LRP1B: variants seen among roughly 807,000 people sequenced by gnomAD.
The protein encoded by LRP1B is low-density lipoprotein receptor-related protein 1B.
LRP1B carries 217 observed loss-of-function variants against 556.6 expected under a neutral mutation model. That is an observed-to-expected ratio of 0.39 (90% confidence interval 0.35 to 0.44). The LOEUF is 0.44. Among genes scored for constraint, LRP1B ranks in the 20% least tolerant of loss-of-function variants. LRP1B has a pLI of 1.00. For missense variants in LRP1B, 5,053 were observed against 5,620.8 expected, an observed-to-expected ratio of 0.90 and a Z score of 3.23; for synonymous variants, 2,047 against 1,865.8, an observed-to-expected ratio of 1.10 and a Z score of -2.50.
At chr2:140,587,086 C>G (rs970584230) in intron 43 of LRP1B, among the ~76,000 whole-genome samples, 2 of 151,884 alleles carry the variant, frequency 1.3e-5, no homozygotes, top group African/African-American at 4.8e-5. Context: ...AGTGAATAAA[C>G]TCAACAGCAG....
chr2:141,018,225 GAATGT>G (rs1697963770), intron 12 of LRP1B, among the ~76,000 whole-genome samples: 1 of 152,144 alleles, frequency 6.6e-6, no homozygotes, highest in East Asian at 1.9e-4. Flanking sequence ...AGGCCTGTTT[GAATGT>G]AATTATCTGA....
intron 7 of LRP1B, among the ~76,000 whole-genome samples, chr2:141,074,672 G>T (rs1172184524): frequency 1.4e-5 from 2 of 146,696 alleles, no homozygotes; most frequent in African/African-American, 5.0e-5. Context: ...CCTTTGACAG[G>T]CTCTTTATAA....
At chr2:141,990,095 G>A (rs1233322020) in intron 1 of LRP1B, among the ~76,000 whole-genome samples, 1 of 152,012 alleles carries the variant, frequency 6.6e-6, no homozygotes, top group Non-Finnish European at 1.5e-5. Context: ...GTTTCTCAAA[G>A]CACTAAAGAT....
intron 87 of LRP1B, among the ~76,000 whole-genome samples, chr2:140,243,374 A>G (rs1488442217): frequency 2.0e-5 from 3 of 151,070 alleles, no homozygotes; most frequent in Non-Finnish European, 4.4e-5. Context: ...GCTTCAAAAG[A>G]GGTAGAAGAG....
intron 83 of LRP1B, among the ~76,000 whole-genome samples, chr2:140,305,910 C>T (rs376786618): frequency 2.6e-5 from 4 of 151,536 alleles, no homozygotes; most frequent in African/African-American, 4.8e-5. Context: ...ATTGAGATAA[C>T]CATGTGGTTT....
At chr2:141,405,534 T>G (rs1227618808) in intron 3 of LRP1B, among the ~76,000 whole-genome samples, 1 of 152,274 alleles carries the variant, frequency 6.6e-6, no homozygotes, top group Non-Finnish European at 1.5e-5. Flanking sequence ...CTATGCTTTT[T>G]GTAGTCTGGG....
chr2:140,724,130 C>T (rs146302752), intron 35 of LRP1B, among the ~76,000 whole-genome samples: 6 of 152,088 alleles, frequency 3.9e-5, no homozygotes, highest in Non-Finnish European at 8.8e-5. Flanking sequence ...TGTAGATAAA[C>T]GGATTCTTTC....
chr2:140,347,505 T>A (rs1203284803), intron 77 of LRP1B, among the ~76,000 whole-genome samples: 1 of 151,868 alleles, frequency 6.6e-6, no homozygotes, highest in Non-Finnish European at 1.5e-5. Flanking sequence ...AATAACCATT[T>A]TTTTAGAATG....
chr2:140,607,752 TTTAA>T (rs1433405438), intron 41 of LRP1B, among the ~76,000 whole-genome samples: 7 of 152,142 alleles, frequency 4.6e-5, no homozygotes, highest in South Asian at 4.1e-4. Context: ...GTAGATATGG[TTTAA>T]TTGTTATCCA....
chr2:141,247,426 A>C lies in LRP1B; in HGVS notation c.464-72T>G, dbSNP rs559585894. 800 of 1,560,598 alleles carry C rather than the reference A, an allele frequency of 5.1e-4. 1 individual carries two copies. Among genetic ancestry groups the C allele is most frequent in the Non-Finnish European group, 6.3e-4 (719 of 1,147,334 alleles). On this transcript the variant is annotated intron_variant, in intron 4 of 90. Transcript: ENST00000389484. ...ACTTTTTTTTCTCCTTGAAGAAAATATTATTTTTGAACTTCGGAAATAGAC... is the reference window on the plus strand; with the variant it reads ...ACTTTTTTTTCTCCTTGAAGAAAATCTTATTTTTGAACTTCGGAAATAGAC...
intron 60 of LRP1B, among the ~76,000 whole-genome samples, chr2:140,468,048 G>A (rs975100024): frequency 1.3e-5 from 2 of 152,184 alleles, no homozygotes; most frequent in Non-Finnish European, 2.9e-5. Flanking sequence ...TATCTATCAA[G>A]ACAATGTAAG....
rs12990449 is a variant in LRP1B at position 141,810,341 on chromosome 2, T to C, written c.143A>G (p.Gln48Arg). ...AGGGTCCCCATCACACAGCCAGCTC[T>C]GGGAGACACAAGTCACGTGATCGTG... ...LCHDHVTCVS[Q>R]SWLCDGDPDC... The change falls in exon 2 of 91, where the codon CAG becomes CGG. Residue 48 changes from glutamine (Q) to arginine (R), a missense_variant. Around this residue, in one of 5 missense-constraint regions of LRP1B, gnomAD observed 3,619 missense variants for 3,931.9 expected, o/e 0.92. Transcript: ENST00000389484. 0.23 allele frequency: 363,071 copies of C among 1,612,742 alleles called. 44,073 individuals are homozygous for C. The highest frequency in any genetic ancestry group is 0.43 in the East Asian group (19,390 of 44,820).
intron 3 of LRP1B, among the ~76,000 whole-genome samples, chr2:141,406,835 G>A (rs547366379): frequency 2.0e-5 from 3 of 151,978 alleles, no homozygotes; most frequent in Non-Finnish European, 2.9e-5. Context: ...TTAAATATTT[G>A]TTCAGATATT....
At chr2:140,867,924 AG>A (rs1217045904) in intron 26 of LRP1B, 90 bp from the exon 27 acceptor site, 1 of 1,387,074 alleles carries the variant, frequency 7.2e-7, no homozygotes, top group Non-Finnish European at 9.6e-7. Flanking sequence ...ATGACAAAAA[AG>A]GTATTTTATA....
chr2:141,755,017 A>G (rs1457129866), intron 2 of LRP1B, among the ~76,000 whole-genome samples: 1 of 152,074 alleles, frequency 6.6e-6, no homozygotes, highest in Admixed American at 6.6e-5. Context: ...TATAAAAGGA[A>G]AAACAGCAGA....
chr2:140,701,700 T>C, intron 40 of LRP1B, 21 bp downstream of exon 40: 1 of 1,599,678 alleles, frequency 6.3e-7, no homozygotes, highest in African/African-American at 1.4e-5. Context: ...ACATATTATG[T>C]ATTCTTTCAA....
At chr2:140,369,504 T>C (rs1167243711) in intron 71 of LRP1B, among the ~76,000 whole-genome samples, 1 of 151,914 alleles carries the variant, frequency 6.6e-6, no homozygotes, top group Non-Finnish European at 1.5e-5. Context: ...AGTGACCAAT[T>C]ACAGAAAGTG....
At chr2:141,650,057 G>A (rs796907169) in intron 2 of LRP1B, among the ~76,000 whole-genome samples, 2 of 152,168 alleles carry the variant, frequency 1.3e-5, no homozygotes, top group African/African-American at 4.8e-5. Flanking sequence ...GCATGTGCCT[G>A]TAATCCCAGC....
chr2:141,039,444 T>C (rs1698633809), intron 11 of LRP1B, among the ~76,000 whole-genome samples: 1 of 152,042 alleles, frequency 6.6e-6, no homozygotes. Context: ...CTATCCATGG[T>C]TTCAGGTATC....
Sources: gnomAD v4.1 joint callset for allele counts (sites outside exome capture counted in the v4.1 genomes callset) on GRCh38, gnomAD v4.1.1 for gene constraint, gnomAD v4.1.1 regional missense constraint, MANE v1.5 for transcripts, NCBI Gene and HGNC (gene_info 2026-07-23, HGNC 2026-07-21) for gene names.